Variants in DECR1 observed in about 807,000 individuals in gnomAD.
DECR1 encodes 2,4-dienoyl-CoA reductase [(3E)-enoyl-CoA-producing], mitochondrial.
In DECR1, 44 loss-of-function variants were observed where a neutral mutation model predicts 38.8. That is an observed-to-expected ratio of 1.13 (90% CI 0.89 to 1.46). The LOEUF is 1.46. Ranked by LOEUF, DECR1 falls within the 40% of genes most tolerant of loss-of-function variation. DECR1 has a pLI of 0.00. For missense variants in DECR1, 428 were observed against 405.5 expected (o/e 1.06, Z -0.48); for synonymous variants, 148 against 135.2 (o/e 1.09, Z -0.66).
At chr8:90,027,174 G>T (rs1470197856) in intron 5 of DECR1, among the ~76,000 whole-genome samples, 3 of 152,168 alleles carry the variant, frequency 2.0e-5, no homozygotes, top group African/African-American at 4.8e-5. Flanking sequence ...AGTGAGATGT[G>T]GTACTGAGAA....
At chr8:90,040,292 A>G (rs1235245354) in intron 6 of DECR1, among the ~76,000 whole-genome samples, 1 of 152,190 alleles carries the variant, frequency 6.6e-6, no homozygotes, top group Non-Finnish European at 1.5e-5. Flanking sequence ...ATTTTTATGT[A>G]TGTTCTGTCT....
At position 90,020,960 on chromosome 8, in the gene DECR1, T is replaced by A; in HGVS notation, c.469T>A (p.Ser157Thr). 6.3e-7 allele frequency: 1 copy of A among 1,592,888 alleles called. No homozygotes were observed. Among genetic ancestry groups the A allele is most frequent in the Non-Finnish European group, 8.5e-7 (1 of 1,171,900 alleles). ...TTTTATTTCTCCTACTGAAAGACTT[T>A]CTCCTAATGCTTGGAAAACCATAAC... ...GNFISPTERL[S>T]PNAWKTITDI... The change falls in exon 5 of 10, where the codon TCT becomes ACT. Residue 157 changes from serine to threonine, a missense_variant. Ser to Thr is a moderately conservative substitution (Grantham distance 58, BLOSUM62 1). Transcript: ENST00000220764.
At chr8:90,009,723 T>C (rs1812836945) in intron 1 of DECR1, among the ~76,000 whole-genome samples, 1 of 152,190 alleles carries the variant, frequency 6.6e-6, no homozygotes, top group Non-Finnish European at 1.5e-5. Context: ...GTCATTATAG[T>C]TTTGGTTAAC....
intron 5 of DECR1, among the ~76,000 whole-genome samples, chr8:90,021,539 A>AACTCTTATTT (rs1813164658): frequency 6.6e-6 from 1 of 152,212 alleles, no homozygotes. Flanking sequence ...AAGGAGTTTA[A>AACTCTTATTT]TGTTAATTCT....
intron 8 of DECR1, among the ~76,000 whole-genome samples, chr8:90,048,472 CA>C (rs1278262534): frequency 2.9e-4 from 44 of 152,076 alleles, no homozygotes; most frequent in African/African-American, 9.9e-4. Flanking sequence ...TACACTCTCC[CA>C]AGACTAAACC....
At chr8:90,001,732 CAG>C (rs756311358) in intron 1 of DECR1, among the ~76,000 whole-genome samples, 171 bp downstream of exon 1, 2 of 149,672 alleles carry the variant, frequency 1.3e-5, no homozygotes, top group Non-Finnish European at 1.5e-5. Flanking sequence ...TCCCGAGGCG[CAG>C]AGAGAGAGAG....
In DECR1 at chr8:90,024,219, T is replaced by C. The variant is rs534584851; in HGVS notation, c.565+3163T>C. The stretch of plus-strand genomic sequence containing the variant: ...TTATAGCAGCATGATTTATAATCCT[T>C]TGGGTATATACCCAGTAATGGGATG... On this transcript the variant is annotated intron_variant, in intron 5 of 9. Transcript: ENST00000220764. Among the ~76,000 whole-genome samples, 6 of 152,352 alleles carry C rather than the reference T, an allele frequency of 3.9e-5. No homozygotes were observed. In the South Asian group the frequency reaches 1.2e-3, roughly 32 times the overall value.
rs187116379 is a variant in DECR1, at chr8:90,048,754, C to G, written c.886-2923C>G. ...ACAACAAAAAAAGAGAATTTTAGAC[C>G]AATATTCCTGATGAACATTGATGCA... On this transcript the variant is annotated intron_variant, in intron 8 of 9. Transcript: ENST00000220764. Among the ~76,000 whole-genome samples, 366 of 152,244 alleles carry G rather than the reference C, an allele frequency of 2.4e-3. 1 individual carries two copies. The highest frequency in any genetic ancestry group is 5.5e-3 in the Admixed American group (84 of 15,294).
rs773740195 is a variant in DECR1, at chr8:90,044,987, A to G, written c.877A>G (p.Asn293Asp). The change falls in exon 8 of 10, where the codon AAT becomes GAT. Residue 293 changes from asparagine to aspartate, a missense_variant. Physicochemically the swap from Asn to Asp is conservative, Grantham distance 23. Coordinates refer to ENST00000220764, the MANE Select transcript of DECR1 (RefSeq NM_001359.2). ...TTGTAGTGATTATGCTTCTTGGATTAATGGAGCAGTAAGCGTTGTTTATTT... is the reference window on the plus strand; with the variant it reads ...TTGTAGTGATTATGCTTCTTGGATTGATGGAGCAGTAAGCGTTGTTTATTT... ...FLCSDYASWI[N>D]GAVIKFDGGE... The G allele has an allele frequency of 1.2e-6, 2 of 1,613,702 alleles. No individual in the cohort carries two copies. Among genetic ancestry groups the G allele is most frequent in the Admixed American group, 3.3e-5 (2 of 59,988 alleles).
At chr8:90,030,522 G>A (rs1813470932) in intron 5 of DECR1, 1 of 152,216 alleles carries the variant, frequency 6.6e-6, no homozygotes, top group African/African-American at 2.4e-5. Context: ...CCTGCAAAAG[G>A]AAGGTGAGTT....
intron 5 of DECR1, among the ~76,000 whole-genome samples, chr8:90,027,774 T>TA (rs76089922): frequency 2.7e-3 from 415 of 151,084 alleles, no homozygotes; most frequent in Non-Finnish European, 4.7e-3. Flanking sequence ...GTTTTTTTTT[T>TA]AAAAAAAAAT....
At chr8:90,029,352 G>C (rs1223091434) in intron 5 of DECR1, 1 of 152,138 alleles carries the variant, frequency 6.6e-6, no homozygotes, top group African/African-American at 2.4e-5. Flanking sequence ...GACTTTGGTG[G>C]AAATAACTTT....
Position 90,019,090 on chromosome 8 carries a change from A to C in DECR1, c.335A>C (p.His112Pro). Residue 112 changes from histidine to proline, a missense_variant, in exon 4 of 10, where the codon CAT becomes CCT. Transcript: ENST00000220764. ...QISSQTGNKV[H>P]AIQCDVRDPD... ...ATTCTTTTTGTTATTTTGCAGGTTC[A>C]TGCAATTCAGTGTGATGTGAGGGAT... 1 of 1,613,990 alleles carries C rather than the reference A, an allele frequency of 6.2e-7. No individual in the cohort carries two copies.
intron 1 of DECR1, among the ~76,000 whole-genome samples, chr8:90,015,039 A>G (rs1048748644): frequency 6.6e-6 from 1 of 152,234 alleles, no homozygotes; most frequent in African/African-American, 2.4e-5. Flanking sequence ...TTACAAATGT[A>G]TCTTCAATTA....
At chr8:90,018,014 G>A (rs1330443586) in intron 2 of DECR1, among the ~76,000 whole-genome samples, 1 of 152,140 alleles carries the variant, frequency 6.6e-6, no homozygotes, top group South Asian at 2.1e-4. Flanking sequence ...GGCCTTCCGA[G>A]TAGCTGGGAT....
rs113823332 is a variant in DECR1, at chr8:90,001,772, C to T, written c.69+211C>T. Among the ~76,000 whole-genome samples the T allele has an allele frequency of 7.2e-3, 1,066 of 148,910 alleles. 13 individuals are homozygous for T. The highest frequency in any genetic ancestry group is 0.025 in the African/African-American group (1,002 of 40,222). ...CAGGGCGTCCCGGGGCCTCGGGGAG[C>T]GAGGACAGGGTGTCCCGGGGCTCAA... On this transcript the variant is annotated intron_variant, in intron 1 of 9. Transcript: ENST00000220764.
At chr8:90,018,643 C>G (rs745502138) in intron 2 of DECR1, 1 of 330,434 alleles carries the variant, frequency 3.0e-6, no homozygotes, top group African/African-American at 2.1e-5. Flanking sequence ...CTTTGTAAAC[C>G]TGGCTTATCA....
chr8:90,027,876 A>G (rs902287806), intron 5 of DECR1, among the ~76,000 whole-genome samples: 1 of 152,082 alleles, frequency 6.6e-6, no homozygotes, highest in Non-Finnish European at 1.5e-5. Flanking sequence ...GGTGAATTAC[A>G]TTAATTAATT....
intron 5 of DECR1, chr8:90,030,384 A>T (rs1813468106): frequency 6.6e-6 from 1 of 152,176 alleles, no homozygotes; most frequent in South Asian, 2.1e-4. Context: ...GTCCATTACA[A>T]ATTCTTTTAT....
Sources: allele counts gnomAD v4.1 joint callset (sites outside exome capture counted in the v4.1 genomes callset), GRCh38; gene constraint gnomAD v4.1.1; transcripts MANE v1.5; gene names NCBI Gene and HGNC (gene_info 2026-07-23, HGNC 2026-07-21).